NR3C2: variants seen among roughly 807,000 people sequenced by gnomAD.
The protein encoded by NR3C2 is mineralocorticoid receptor.
In NR3C2, 15 loss-of-function variants were observed where a neutral mutation model predicts 86.4. That is an observed-to-expected ratio of 0.17 (90% confidence interval 0.12 to 0.27). The LOEUF (loss-of-function observed/expected upper bound fraction) is 0.27, where lower values mean the gene tolerates loss of function less well. Ranked by LOEUF, NR3C2 falls within the 10% of genes least tolerant of loss-of-function variation. The probability of loss-of-function intolerance (pLI) is 1.00; values close to 1 mark genes in which losing one functional copy is unlikely to be tolerated. For synonymous variants in NR3C2, 458 were observed against 450.5 expected (o/e 1.02, Z -0.21); for missense variants, 960 against 1,195.6 (o/e 0.80, Z 2.91).
intron 2 of NR3C2, among the ~76,000 whole-genome samples, chr4:148,271,169 C>A (rs760278485): frequency 3.9e-5 from 6 of 152,276 alleles, no homozygotes; most frequent in South Asian, 2.1e-4. Flanking sequence ...ACATTCTCCA[C>A]GAATTTGAGC....
chr4:148,170,704 A>G (rs1735087931), intron 4 of NR3C2, among the ~76,000 whole-genome samples: 1 of 152,218 alleles, frequency 6.6e-6, no homozygotes, highest in Non-Finnish European at 1.5e-5. Flanking sequence ...TGTCATGGGT[A>G]TTGTAAGAGA....
At chr4:148,329,184 C>A (rs1037790155) in intron 2 of NR3C2, among the ~76,000 whole-genome samples, 1 of 152,126 alleles carries the variant, frequency 6.6e-6, no homozygotes, top group Non-Finnish European at 1.5e-5. Context: ...ATCCCTCAAC[C>A]CCCAAGGGCA....
chr4:148,128,524 C>T (rs919294496), intron 6 of NR3C2, among the ~76,000 whole-genome samples: 8 of 152,178 alleles, frequency 5.3e-5, no homozygotes, highest in East Asian at 1.9e-4. Context: ...AACACCTTCA[C>T]GGACACTTCA....
At chr4:148,208,064 C>T (rs1269167849) in intron 3 of NR3C2, 1 of 152,246 alleles carries the variant, frequency 6.6e-6, no homozygotes, top group African/African-American at 2.4e-5. Context: ...CTACTGTACA[C>T]TTAAAATGCC....
At chr4:148,362,466 TAAAATTTA>T (rs1745886666) in intron 2 of NR3C2, among the ~76,000 whole-genome samples, 1 of 152,224 alleles carries the variant, frequency 6.6e-6, no homozygotes, top group Non-Finnish European at 1.5e-5. Context: ...TTTAAAACTT[TAAAATTTA>T]AAAATTAAAA....
intron 2 of NR3C2, among the ~76,000 whole-genome samples, chr4:148,382,183 G>A (rs1222034460): frequency 1.3e-5 from 2 of 152,172 alleles, no homozygotes; most frequent in African/African-American, 4.8e-5. Flanking sequence ...TCAAGTCAAA[G>A]AGAACAATCT....
intron 6 of NR3C2, among the ~76,000 whole-genome samples, chr4:148,135,035 C>T (rs1043445710): frequency 6.6e-6 from 1 of 152,048 alleles, no homozygotes; most frequent in Non-Finnish European, 1.5e-5. Context: ...CAAGCCCTCC[C>T]TCACTGTGAT....
chr4:148,212,952 T>C (rs68104634), intron 3 of NR3C2, among the ~76,000 whole-genome samples: 38,755 of 152,080 alleles, frequency 0.25, 5,717 homozygotes, highest in East Asian at 0.58. Context: ...TAAAATGTGT[T>C]AAGTGCATTT....
intron 2 of NR3C2, among the ~76,000 whole-genome samples, chr4:148,298,901 C>T (rs1313586569): frequency 6.6e-6 from 1 of 152,196 alleles, no homozygotes; most frequent in East Asian, 1.9e-4. Flanking sequence ...GATAAGGGAA[C>T]CTGCCCAAGG....
intron 3 of NR3C2, among the ~76,000 whole-genome samples, chr4:148,245,254 A>C (rs1739262160): frequency 6.6e-6 from 1 of 152,168 alleles, no homozygotes; most frequent in Non-Finnish European, 1.5e-5. Context: ...ATCATCTCCA[A>C]TCACTGAAGC....
Position 148,239,243 on chromosome 4 carries a change from G to A in NR3C2, c.1897+20735C>T, listed in dbSNP as rs1429605339. ...CCTAGCATCATCCTCACTGCACAGT[G>A]ATTCTAAGTGATGTATCAGCAACAT... On this transcript the variant is annotated intron_variant, in intron 3 of 8. Transcript: ENST00000358102. 9.2e-5 allele frequency among the ~76,000 whole-genome samples: 14 copies of A among 152,340 alleles called. No homozygotes were observed. In the East Asian group the frequency reaches 2.7e-3, roughly 29 times the overall value.
At chr4:148,420,589 G>A (rs1375563292) in intron 2 of NR3C2, among the ~76,000 whole-genome samples, 1 of 152,128 alleles carries the variant, frequency 6.6e-6, no homozygotes. Flanking sequence ...TCCTAAAAGT[G>A]AGGACTTCCT....
At chr4:148,091,394 G>A (rs538149865) in intron 8 of NR3C2, among the ~76,000 whole-genome samples, 5 of 152,342 alleles carry the variant, frequency 3.3e-5, no homozygotes, top group African/African-American at 1.2e-4. Context: ...CTGGCCCTTA[G>A]CAGATGTTTA....
chr4:148,084,940 A>C (rs1005420574), intron 8 of NR3C2, among the ~76,000 whole-genome samples: 10 of 152,220 alleles, frequency 6.6e-5, no homozygotes, highest in Non-Finnish European at 1.2e-4. Context: ...GATCAATGCA[A>C]AAAGAAGTGC....
chr4:148,342,251 C>T (rs1236865524), intron 2 of NR3C2, among the ~76,000 whole-genome samples: 1 of 152,048 alleles, frequency 6.6e-6, no homozygotes, highest in Non-Finnish European at 1.5e-5. Context: ...CACAATAGTT[C>T]AAACTAGTAC....
At chr4:148,375,653 A>AT (rs1290552094) in intron 2 of NR3C2, among the ~76,000 whole-genome samples, 1 of 152,132 alleles carries the variant, frequency 6.6e-6, no homozygotes. Context: ...GTCTATTTTA[A>AT]TACGCATAGC....
intron 2 of NR3C2, among the ~76,000 whole-genome samples, chr4:148,352,769 A>T (rs932446412): frequency 1.3e-5 from 2 of 152,154 alleles, no homozygotes; most frequent in Non-Finnish European, 2.9e-5. Context: ...AATGCCAACC[A>T]TCAGGTTCTT....
At chr4:148,411,723 T>C (rs530471364) in intron 2 of NR3C2, among the ~76,000 whole-genome samples, 8 of 152,348 alleles carry the variant, frequency 5.3e-5, no homozygotes, top group South Asian at 2.1e-4. Flanking sequence ...AAGATACTTA[T>C]GTAAGGTGCC....
At chr4:148,441,046 T>C (rs1212702329) in intron 1 of NR3C2, among the ~76,000 whole-genome samples, 2 of 152,228 alleles carry the variant, frequency 1.3e-5, no homozygotes, top group African/African-American at 4.8e-5. Context: ...ATAACTATTA[T>C]GTTCCTCTCT....
Sources: allele counts gnomAD v4.1 joint callset (sites outside exome capture counted in the v4.1 genomes callset), GRCh38; gene constraint gnomAD v4.1.1; transcripts MANE v1.5; gene names NCBI Gene and HGNC (gene_info 2026-07-23, HGNC 2026-07-21).